The following CHSY3 variants were observed in gnomAD, a reference collection of about 807,000 sequenced individuals.
CHSY3 encodes the protein chondroitin sulfate synthase 3.
Under a neutral mutation model 67.2 loss-of-function variants are expected in CHSY3, and 35 were observed. The ratio of observed to expected loss-of-function variants is 0.52; its 90% CI spans 0.40 to 0.69. The LOEUF (loss-of-function observed/expected upper bound fraction) is 0.69, where lower values mean the gene tolerates loss of function less well. CHSY3 is among the 30% of genes least tolerant of loss of function. The pLI is 0.00. For missense variants in CHSY3, 1,069 were observed against 1,138.5 expected (o/e 0.94, Z 0.88); for synonymous variants, 474 against 434.7 (o/e 1.09, Z -1.12).
chr5:129,980,022 G>GT (rs1191225747), intron 2 of CHSY3, among the ~76,000 whole-genome samples: 2 of 152,102 alleles, frequency 1.3e-5, no homozygotes, highest in Non-Finnish European at 2.9e-5. Context: ...TTGCTTTCAA[G>GT]TTTTGGCAAT....
intron 2 of CHSY3, among the ~76,000 whole-genome samples, chr5:130,180,118 G>C (rs369222621): frequency 1.1e-3 from 164 of 152,212 alleles, no homozygotes; most frequent in African/African-American, 3.7e-3. Context: ...TTTTCTTGGT[G>C]CTTTCTGAGA....
In CHSY3 at chr5:130,140,841, T is replaced by G. The variant is rs138987156; in HGVS notation, c.1087-43388T>G. On this transcript the variant is annotated intron_variant, in intron 2 of 2. Transcript: ENST00000305031. ...ACTTCTTGTGAATGTGCTAAGCATA[T>G]TCTCTCTTCCAGCACCCAGGCCAGT... is the stretch of plus-strand genomic sequence containing the variant. The G allele has an allele frequency of 1.5e-3, 389 of 265,836 alleles. 1 individual carries two copies. The highest frequency in any genetic ancestry group is 8.5e-3 in the African/African-American group (375 of 44,020). The allele number at this position is 265,836 out of a possible 1,614,324, so 16.5% of individuals were successfully genotyped here.
intron 2 of CHSY3, among the ~76,000 whole-genome samples, chr5:130,080,342 G>A (rs1053591200): frequency 6.6e-6 from 1 of 151,972 alleles, no homozygotes; most frequent in African/African-American, 2.4e-5. Flanking sequence ...AGCACAGTAG[G>A]TATTCTATCT....
intron 2 of CHSY3, among the ~76,000 whole-genome samples, chr5:129,938,998 A>C (rs1203834571): frequency 6.6e-6 from 1 of 152,170 alleles, no homozygotes; most frequent in Non-Finnish European, 1.5e-5. Context: ...CACATAACTG[A>C]GACTGGGTAA....
intron 2 of CHSY3, among the ~76,000 whole-genome samples, chr5:130,044,943 A>C (rs1053419861): frequency 6.6e-6 from 1 of 152,130 alleles, no homozygotes; most frequent in African/African-American, 2.4e-5. Context: ...AGAGGAAAAA[A>C]TGGCGGCTAG....
chr5:130,146,364 C>G (rs1469915123), intron 2 of CHSY3, among the ~76,000 whole-genome samples: 1 of 152,062 alleles, frequency 6.6e-6, no homozygotes, highest in Non-Finnish European at 1.5e-5. Context: ...AAGACAAATA[C>G]TGCATGATCT....
In CHSY3 at chr5:129,905,432, C is replaced by A; in HGVS notation, c.603C>A (p.Gly201=). 6.2e-7 allele frequency: 1 copy of A among 1,611,300 alleles called. No individual in the cohort carries two copies. The highest frequency in any genetic ancestry group is 8.5e-7 in the Non-Finnish European group (1 of 1,179,716). Residue 201 remains glycine (G), a synonymous_variant, in exon 1 of 3, where the codon GGC becomes GGA. Coordinates refer to ENST00000305031, the MANE Select transcript of CHSY3 (RefSeq NM_175856.5). The part of the protein sequence containing the change: ...AQRTWARFIP[G]RVEFFSSQQP... ...GGACCTGGGCGCGTTTCATCCCGGG[C>A]CGCGTGGAGTTCTTTTCCAGCCAGC...
intron 2 of CHSY3, chr5:130,140,086 G>T: frequency 4.8e-6 from 1 of 207,360 alleles, no homozygotes; most frequent in Non-Finnish European, 9.6e-6. Flanking sequence ...TGTTGTGTGG[G>T]TATTTTCCAG....
chr5:129,992,002 CT>C (rs1238771502), intron 2 of CHSY3, among the ~76,000 whole-genome samples: 2 of 152,126 alleles, frequency 1.3e-5, no homozygotes, highest in African/African-American at 2.4e-5. Flanking sequence ...TCTCCATTCG[CT>C]TCTGTCCAAG....
intron 2 of CHSY3, among the ~76,000 whole-genome samples, chr5:130,177,720 T>C (rs1770098349): frequency 6.6e-6 from 1 of 152,142 alleles, no homozygotes; most frequent in Non-Finnish European, 1.5e-5. Flanking sequence ...GTGTGCTTCA[T>C]ATGGGTCTAA....
chr5:130,117,888 G>A (rs1175926870), intron 2 of CHSY3, among the ~76,000 whole-genome samples: 1 of 152,142 alleles, frequency 6.6e-6, no homozygotes, highest in Non-Finnish European at 1.5e-5. Flanking sequence ...ATGTTGAAAT[G>A]TGATTCTCAA....
At position 130,185,558 on chromosome 5, in the gene CHSY3, G is replaced by C; in HGVS notation, c.2416G>C (p.Glu806Gln). The C allele has an allele frequency of 6.2e-7, 1 of 1,614,122 alleles. No individual in the cohort carries two copies. The highest frequency in any genetic ancestry group is 8.5e-7 in the Non-Finnish European group (1 of 1,179,966). ...FDTSIQGWGLEDVDLYNKVIL... is the reference protein window; with the variant it reads ...FDTSIQGWGLQDVDLYNKVIL... ...TACCTCAATACAAGGCTGGGGACTA[G>C]AAGATGTAGATCTCTACAATAAAGT... Residue 806 changes from glutamate to glutamine, a missense_variant, in exon 3 of 3, where the codon GAA becomes CAA. Physicochemically the swap from Glu to Gln is conservative, Grantham distance 29. This residue lies in a region of CHSY3 where 139 missense variants were observed against 152.8 expected (regional missense o/e 0.91). Transcript: ENST00000305031.
chr5:130,110,262 A>T (rs1295956293), intron 2 of CHSY3, among the ~76,000 whole-genome samples: 1 of 151,918 alleles, frequency 6.6e-6, no homozygotes, highest in African/African-American at 2.4e-5. Context: ...TCCTGACAAC[A>T]AAATTTGACT....
intron 2 of CHSY3, among the ~76,000 whole-genome samples, chr5:129,985,402 T>A (rs1191684010): frequency 6.6e-6 from 1 of 152,178 alleles, no homozygotes; most frequent in African/African-American, 2.4e-5. Flanking sequence ...TTTATGCCAG[T>A]ATCATGTTGT....
intron 2 of CHSY3, among the ~76,000 whole-genome samples, chr5:130,059,443 C>T (rs1475334529): frequency 6.6e-6 from 1 of 151,052 alleles, no homozygotes; most frequent in African/African-American, 2.4e-5. Flanking sequence ...CCTCTCCTTC[C>T]CCCTCCCCCT....
chr5:130,032,511 G>A (rs1249400342), intron 2 of CHSY3, among the ~76,000 whole-genome samples: 1 of 152,190 alleles, frequency 6.6e-6, no homozygotes, highest in East Asian at 1.9e-4. Context: ...AATGGTGCAT[G>A]TTGCTATCAC....
intron 2 of CHSY3, among the ~76,000 whole-genome samples, chr5:129,909,799 G>A (rs1455643060): frequency 6.6e-6 from 1 of 151,886 alleles, no homozygotes; most frequent in Non-Finnish European, 1.5e-5. Flanking sequence ...TTATTGTTTT[G>A]CAGGTATTTA....
chr5:130,074,655 G>GT (rs1766193920), intron 2 of CHSY3, among the ~76,000 whole-genome samples: 1 of 152,138 alleles, frequency 6.6e-6, no homozygotes, highest in African/African-American at 2.4e-5. Context: ...ATAGGGGACA[G>GT]TTTTCTACAC....
intron 2 of CHSY3, among the ~76,000 whole-genome samples, chr5:129,999,268 A>G (rs529813155): frequency 6.6e-6 from 1 of 152,206 alleles, no homozygotes; most frequent in African/African-American, 2.4e-5. Flanking sequence ...CTTTTGTGAA[A>G]ATTGAATGGA....
Sources: allele counts gnomAD v4.1 joint callset (sites outside exome capture counted in the v4.1 genomes callset), GRCh38; gene constraint gnomAD v4.1.1; regional missense constraint gnomAD v4.1.1; transcripts MANE v1.5; gene names NCBI Gene and HGNC (gene_info 2026-07-23, HGNC 2026-07-21).